ZNF736: variants seen among roughly 807,000 people sequenced by gnomAD.
ZNF736 encodes the protein zinc finger protein 736, also known as KRAB-containing zinc-finger repressor protein.
ZNF736 carries 6 observed loss-of-function variants against 11.7 expected under a neutral mutation model. The ratio of observed to expected loss-of-function variants is 0.51; its 90% CI spans 0.28 to 1.01. The LOEUF is 1.01. ZNF736 is among the 50% of genes least tolerant of loss of function. The pLI, the probability that ZNF736 is intolerant of heterozygous loss-of-function variation, is 0.09. For missense variants in ZNF736, 444 were observed against 496.0 expected, an observed-to-expected ratio of 0.90 and a Z score of 1.00; for synonymous variants, 139 against 164.7, an observed-to-expected ratio of 0.84 and a Z score of 1.19.
rs553792823 is a variant in ZNF736 at position 64,350,018 on chromosome 7, ATC to A, written c.*874_*875del. The A allele has an allele frequency of 6.6e-6, 1 of 151,954 alleles. No homozygotes were observed. The highest frequency in any genetic ancestry group is 1.5e-5 in the Non-Finnish European group (1 of 68,028). 9.4% of individuals were successfully genotyped at this position (151,954 alleles called of 1,614,324 possible). ...TTTTCTTTCATTTTGACCCTGGAGA[ATC>A]TCATGATTATGTGTCTTGAGGATGA... On this transcript the variant is annotated 3_prime_UTR_variant, in exon 4 of 4. Coordinates refer to ENST00000423484, the MANE Select transcript of ZNF736 (RefSeq NM_001170905.3).
intron 1 of ZNF736, among the ~76,000 whole-genome samples, chr7:64,334,598 C>G (rs1303353511): frequency 1.3e-5 from 2 of 152,188 alleles, no homozygotes; most frequent in Admixed American, 1.3e-4. Context: ...GATACTATCT[C>G]ACACCAGTTA....
At chr7:64,338,481 ATT>A (rs1381902079) in intron 3 of ZNF736, among the ~76,000 whole-genome samples, 1 of 152,122 alleles carries the variant, frequency 6.6e-6, no homozygotes, top group Non-Finnish European at 1.5e-5. Flanking sequence ...AATTTGTACC[ATT>A]TGAACAACAT....
intron 3 of ZNF736, among the ~76,000 whole-genome samples, chr7:64,338,496 T>C (rs1389293040): frequency 1.3e-5 from 2 of 152,168 alleles, no homozygotes; most frequent in African/African-American, 2.4e-5. Context: ...AACAACATAC[T>C]CCACTTTCTC....
chr7:64,338,639 A>G (rs1268616862), intron 3 of ZNF736, among the ~76,000 whole-genome samples: 2 of 152,070 alleles, frequency 1.3e-5, no homozygotes, highest in Non-Finnish European at 1.5e-5. Context: ...AACATCATCT[A>G]GGTCCATCCA....
Position 64,329,279 on chromosome 7 carries a change from T to C in ZNF736, c.4-6980T>C, listed in dbSNP as rs531130887. ...TTATTTAGCTCATTTAATGAGGTTG[T>C]GTTTTCCTGAATAGTCTTAATTTTT... is the stretch of plus-strand genomic sequence containing the variant. On this transcript the variant is annotated intron_variant, in intron 1 of 3. Transcript: ENST00000423484. Among the ~76,000 whole-genome samples, 235 of 152,072 alleles carry C rather than the reference T, an allele frequency of 1.5e-3. 2 individuals are homozygous for C. Among genetic ancestry groups the C allele is most frequent in the African/African-American group, 3.4e-3 (142 of 41,580 alleles).
rs567481977 is a variant in ZNF736, at chr7:64,314,029, A to T, written c.-122A>T. On this transcript the variant is annotated 5_prime_UTR_variant, in exon 1 of 4. Transcript: ENST00000423484. ...GGCTCTGATCCTAGTTCGCGTCTCC[A>T]CTGTTCCATCTCCTCCGTTCCTGGA... 7.2e-7 allele frequency: 1 copy of T among 1,394,068 alleles called. No individual in the cohort carries two copies. Among genetic ancestry groups the T allele is most frequent in the Non-Finnish European group, 9.9e-7 (1 of 1,006,892 alleles). The allele number at this position is 1,394,068 out of a possible 1,614,324, so 86.4% of individuals were successfully genotyped here. A position where few individuals can be genotyped will look rare whatever the true frequency, so the allele number is the denominator to read the frequency against.
intron 1 of ZNF736, among the ~76,000 whole-genome samples, chr7:64,327,339 CCT>C (rs1356360929): frequency 6.6e-6 from 1 of 152,106 alleles, no homozygotes; most frequent in East Asian, 1.9e-4. Flanking sequence ...AGCTATTCCT[CCT>C]CTTTTTTGTT....
rs374465735 is a variant in ZNF736 at position 64,330,146 on chromosome 7, G to A, written c.4-6113G>A. On this transcript the variant is annotated intron_variant, in intron 1 of 3. Coordinates refer to ENST00000423484, the MANE Select transcript of ZNF736 (RefSeq NM_001170905.3). ...GCCAGGCCTGCTTCTTTTGCTTCAG[G>A]GAAGTGGGGTTTTTTTTGTTTTGTT... 3.4e-3 allele frequency among the ~76,000 whole-genome samples: 508 copies of A among 150,332 alleles called. 3 individuals carry two copies. Among genetic ancestry groups the A allele is most frequent in the African/African-American group, 0.011 (440 of 40,108 alleles).
chr7:64,337,755 GGTTTTTTTTTT>G (rs1789277716), intron 3 of ZNF736, among the ~76,000 whole-genome samples: 1 of 86,256 alleles, frequency 1.2e-5, no homozygotes, highest in Non-Finnish European at 2.0e-5. Context: ...TGTTTTTTTT[GGTTTTTTTTTT>G]TTTTTGAGAC....
intron 1 of ZNF736, among the ~76,000 whole-genome samples, chr7:64,325,939 T>C (rs1428926836): frequency 1.3e-5 from 2 of 152,172 alleles, no homozygotes; most frequent in East Asian, 1.9e-4. Context: ...ATATACCCAA[T>C]ATACATATAG....
Position 64,355,647 on chromosome 7 carries a change from G to A in ZNF736, c.*6500G>A, listed in dbSNP as rs1486381608. On this transcript the variant is annotated 3_prime_UTR_variant, in exon 4 of 4. Coordinates refer to ENST00000423484, the MANE Select transcript of ZNF736 (RefSeq NM_001170905.3). The stretch of plus-strand genomic sequence containing the variant: ...TCCACCCACCTCAGCCTTCCAAAGT[G>A]CTGGGAATGCACATGTGAGCCACCG... 2 of 152,302 alleles carry A rather than the reference G, an allele frequency of 1.3e-5. No individual in the cohort carries two copies. Among genetic ancestry groups the A allele is most frequent in the Non-Finnish European group, 2.9e-5 (2 of 68,080 alleles). 9.4% of individuals were successfully genotyped at this position (152,302 alleles called of 1,614,324 possible). A position where few individuals can be genotyped will look rare whatever the true frequency, so the allele number is the denominator to read the frequency against.
intron 1 of ZNF736, among the ~76,000 whole-genome samples, chr7:64,328,135 T>C (rs1435149578): frequency 1.3e-5 from 2 of 152,174 alleles, no homozygotes; most frequent in Admixed American, 6.5e-5. Context: ...GTACCACATG[T>C]TTTCTTATTG....
At chr7:64,318,453 C>T (rs1339870205) in intron 1 of ZNF736, among the ~76,000 whole-genome samples, 5 of 151,814 alleles carry the variant, frequency 3.3e-5, no homozygotes, top group Non-Finnish European at 7.4e-5. Context: ...TTATTCTTAA[C>T]AATTATTTTT....
intron 1 of ZNF736, among the ~76,000 whole-genome samples, chr7:64,317,884 TTTC>T (rs1389028835): frequency 1.3e-5 from 2 of 151,988 alleles, no homozygotes; most frequent in African/African-American, 4.8e-5. Flanking sequence ...AAAATTGCCG[TTTC>T]TTTAAGAAAA....
At chr7:64,347,217 C>CTTTTTTTTTT (rs35033527) in intron 3 of ZNF736, among the ~76,000 whole-genome samples, 2 of 55,870 alleles carry the variant, frequency 3.6e-5, no homozygotes, top group African/African-American at 7.6e-5. Context: ...AAATGTTCGC[C>CTTTTTTTTTT]TTTTTTTTTT....
Position 64,314,004 on chromosome 7 carries a change from G to A in ZNF736, c.-147G>A. On this transcript the variant is annotated 5_prime_UTR_variant, in exon 1 of 4. Coordinates refer to ENST00000423484, the MANE Select transcript of ZNF736 (RefSeq NM_001170905.3). ...CGGGGCCTTTGTCTCCTAGCTTCCG[G>A]GCTCTGATCCTAGTTCGCGTCTCCA... The A allele has an allele frequency of 9.0e-7, 1 of 1,111,172 alleles. No homozygotes were observed. The allele number at this position is 1,111,172 out of a possible 1,614,324, so 68.8% of individuals were successfully genotyped here. A position where few individuals can be genotyped will look rare whatever the true frequency, so the allele number is the denominator to read the frequency against.
rs192053412 is a variant in ZNF736 at position 64,355,278 on chromosome 7, T to C, written c.*6131T>C. The C allele has an allele frequency of 2.1e-3, 349 of 167,352 alleles. No individual in the cohort carries two copies. The Middle Eastern group carries it at 0.021, about 10-fold the overall frequency. 10.4% of individuals were successfully genotyped at this position (167,352 alleles called of 1,614,324 possible). A position where few individuals can be genotyped will look rare whatever the true frequency, so the allele number is the denominator to read the frequency against. ...TATCGAAACCTAAAATGCCCTGAAC[T>C]CTTTTCATATAGATTAATAAAATAT... On this transcript the variant is annotated 3_prime_UTR_variant, in exon 4 of 4. Coordinates refer to ENST00000423484, the MANE Select transcript of ZNF736 (RefSeq NM_001170905.3).
chr7:64,317,002 T>C (rs1788926860), intron 1 of ZNF736, among the ~76,000 whole-genome samples: 1 of 152,194 alleles, frequency 6.6e-6, no homozygotes, highest in Non-Finnish European at 1.5e-5. Flanking sequence ...GTGTGGTAGA[T>C]TAACACGTAA....
intron 1 of ZNF736, among the ~76,000 whole-genome samples, chr7:64,321,798 T>C (rs945056803): frequency 1.3e-5 from 2 of 152,068 alleles, no homozygotes; most frequent in Non-Finnish European, 1.5e-5. Flanking sequence ...ACCAGAAATA[T>C]CAATCCAAAG....
Sources: allele counts gnomAD v4.1 joint callset (sites outside exome capture counted in the v4.1 genomes callset), GRCh38; gene constraint gnomAD v4.1.1; transcripts MANE v1.5; gene names NCBI Gene and HGNC (gene_info 2026-07-23, HGNC 2026-07-21).